Variants in ARHGAP24 observed in about 807,000 individuals in gnomAD.
The protein encoded by ARHGAP24 is rho GTPase-activating protein 24.
A neutral mutation model predicts 76.4 loss-of-function variants in ARHGAP24; 50 were observed. The ratio of observed to expected loss-of-function variants is 0.65; its 90% CI spans 0.52 to 0.83. The LOEUF is 0.83. ARHGAP24 is among the 40% of genes least tolerant of loss of function. The probability of loss-of-function intolerance (pLI) is 0.00; values close to 1 mark genes in which losing one functional copy is unlikely to be tolerated. For synonymous variants in ARHGAP24, 345 were observed against 323.3 expected, an observed-to-expected ratio of 1.07 and a Z score of -0.72; for missense variants, 930 against 914.2, an observed-to-expected ratio of 1.02 and a Z score of -0.22.
intron 2 of ARHGAP24, chr4:85,604,314 CT>C (rs1720122600): frequency 6.6e-6 from 1 of 152,164 alleles, no homozygotes; most frequent in Non-Finnish European, 1.5e-5. Context: ...GTGAGTATAT[CT>C]TTAACAAGAT....
intron 3 of ARHGAP24, among the ~76,000 whole-genome samples, chr4:85,763,096 A>G (rs1002457121): frequency 3.9e-5 from 6 of 152,174 alleles, no homozygotes; most frequent in African/African-American, 9.6e-5. Flanking sequence ...ATATATATCC[A>G]CTGCCTGATT....
intron 2 of ARHGAP24, among the ~76,000 whole-genome samples, chr4:85,639,873 T>G (rs1437379518): frequency 2.0e-5 from 3 of 152,146 alleles, no homozygotes; most frequent in Non-Finnish European, 4.4e-5. Flanking sequence ...GTGAGAAATA[T>G]TGTTCAGTCC....
At chr4:85,972,272 C>A in intron 6 of ARHGAP24, 104 bp downstream of exon 6, 1 of 1,456,346 alleles carries the variant, frequency 6.9e-7, no homozygotes. Context: ...CGGTGTTACT[C>A]TCCACTATCC....
intron 2 of ARHGAP24, among the ~76,000 whole-genome samples, chr4:85,634,415 A>G (rs1159534969): frequency 6.6e-6 from 1 of 151,890 alleles, no homozygotes; most frequent in Non-Finnish European, 1.5e-5. Context: ...AGGAACTTAC[A>G]CATTTTCAAA....
intron 3 of ARHGAP24, among the ~76,000 whole-genome samples, chr4:85,815,884 A>T (rs1051018840): frequency 1.1e-4 from 17 of 152,198 alleles, no homozygotes; most frequent in Non-Finnish European, 2.1e-4. Flanking sequence ...TATTGGACTT[A>T]TGGCTTCACG....
At chr4:85,716,647 A>C (rs186036723) in intron 2 of ARHGAP24, among the ~76,000 whole-genome samples, 134 of 152,222 alleles carry the variant, frequency 8.8e-4, no homozygotes, top group African/African-American at 3.0e-3. Context: ...TTCTTTTGTC[A>C]CTCAGTATTC....
At chr4:85,586,230 TTG>T in intron 2 of ARHGAP24, among the ~76,000 whole-genome samples, 1 of 36,068 alleles carries the variant, frequency 2.8e-5, no homozygotes, top group East Asian at 2.6e-4. Context: ...GATTTGGGAT[TTG>T]GGTTGAAATA....
At chr4:85,639,716 AG>A (rs1369961034) in intron 2 of ARHGAP24, among the ~76,000 whole-genome samples, 10 of 146,752 alleles carry the variant, frequency 6.8e-5, no homozygotes, top group Non-Finnish European at 1.5e-4. Flanking sequence ...AAAAAAAAAA[AG>A]GAGGGGAGAA....
At chr4:85,958,081 G>T (rs564329599) in intron 5 of ARHGAP24, among the ~76,000 whole-genome samples, 1 of 152,274 alleles carries the variant, frequency 6.6e-6, no homozygotes, top group East Asian at 1.9e-4. Context: ...CTACTTATTT[G>T]CAAGAACGTA....
intron 1 of ARHGAP24, among the ~76,000 whole-genome samples, chr4:85,546,096 G>A (rs537868443): frequency 6.6e-6 from 1 of 152,068 alleles, no homozygotes; most frequent in Admixed American, 6.5e-5. Flanking sequence ...AATAATAATA[G>A]TACATACTTC....
chr4:85,509,971 G>C (rs571999347), intron 1 of ARHGAP24, among the ~76,000 whole-genome samples: 9 of 152,106 alleles, frequency 5.9e-5, no homozygotes, highest in African/African-American at 2.2e-4. Flanking sequence ...GGCAAGATGC[G>C]CCTCCATATG....
At chr4:85,801,430 A>G (rs1728573557) in intron 3 of ARHGAP24, among the ~76,000 whole-genome samples, 1 of 152,230 alleles carries the variant, frequency 6.6e-6, no homozygotes, top group Admixed American at 6.5e-5. Context: ...CATTTTTCAT[A>G]TACTTGTAAT....
At chr4:85,919,913 C>T (rs1045127200) in intron 3 of ARHGAP24, among the ~76,000 whole-genome samples, 1 of 152,186 alleles carries the variant, frequency 6.6e-6, no homozygotes, top group Admixed American at 6.5e-5. Context: ...ATTTTTAGAA[C>T]TGCGCCATGC....
intron 3 of ARHGAP24, among the ~76,000 whole-genome samples, chr4:85,810,128 C>T (rs992898848): frequency 7.9e-5 from 12 of 152,196 alleles, no homozygotes; most frequent in Non-Finnish European, 1.5e-4. Flanking sequence ...CTAGATGTTA[C>T]ACAAGCTTTC....
At chr4:85,918,742 C>T (rs926535013) in intron 3 of ARHGAP24, among the ~76,000 whole-genome samples, 31 of 152,032 alleles carry the variant, frequency 2.0e-4, no homozygotes, top group African/African-American at 7.2e-4. Context: ...AAATATATAG[C>T]ATATCTCAAC....
intron 3 of ARHGAP24, among the ~76,000 whole-genome samples, chr4:85,765,227 G>A (rs539743691): frequency 1.2e-4 from 18 of 152,260 alleles, no homozygotes; most frequent in African/African-American, 3.4e-4. Flanking sequence ...ATGTTTTAAC[G>A]TAATATGGTA....
At position 85,856,514 on chromosome 4, in the gene ARHGAP24, A is replaced by C. The variant is rs189289670; in HGVS notation, c.269-67134A>C. Among the ~76,000 whole-genome samples, 695 of 128,440 alleles carry C rather than the reference A, an allele frequency of 5.4e-3. 4 individuals are homozygous for C. The highest frequency in any genetic ancestry group is 0.038 in the Middle Eastern group (7 of 184). The allele number at this position is 128,440 out of a possible 152,430, so 84.3% of individuals were successfully genotyped here. On this transcript the variant is annotated intron_variant, in intron 3 of 9. Transcript: ENST00000395184. ...GAGACAAAGTCTCTTTCTATTGCCC[A>C]GACTGGAGTGCAATGGCATGACCTG...
chr4:85,909,032 A>G (rs1002613006), intron 3 of ARHGAP24, among the ~76,000 whole-genome samples: 3 of 152,200 alleles, frequency 2.0e-5, no homozygotes, highest in Non-Finnish European at 2.9e-5. Context: ...TTCACTAATC[A>G]TTTAGCCAAG....
chr4:85,980,092 T>C (rs557537561), intron 8 of ARHGAP24, among the ~76,000 whole-genome samples: 1 of 152,280 alleles, frequency 6.6e-6, no homozygotes, highest in South Asian at 2.1e-4. Flanking sequence ...TCAGTCAATT[T>C]CCAAAAACTC....
Sources: allele counts gnomAD v4.1 joint callset (sites outside exome capture counted in the v4.1 genomes callset), GRCh38; gene constraint gnomAD v4.1.1; transcripts MANE v1.5; gene names NCBI Gene and HGNC (gene_info 2026-07-23, HGNC 2026-07-21).